Variants in CNTNAP2 observed in about 807,000 individuals in gnomAD.
CNTNAP2 encodes contactin associated protein 2.
CNTNAP2 carries 98 observed loss-of-function variants against 155.2 expected under a neutral mutation model. That is an observed-to-expected ratio of 0.63 (90% CI 0.54 to 0.75). The LOEUF (loss-of-function observed/expected upper bound fraction) is 0.75. CNTNAP2 is among the 30% of genes least tolerant of loss of function. CNTNAP2 has a pLI of 0.00. For missense variants in CNTNAP2, 1,727 were observed against 1,688.1 expected, an observed-to-expected ratio of 1.02 and a Z score of -0.40; for synonymous variants, 651 against 631.2, an observed-to-expected ratio of 1.03 and a Z score of -0.47.
At chr7:147,881,427 G>C (rs1286517987) in intron 13 of CNTNAP2, among the ~76,000 whole-genome samples, 1 of 152,166 alleles carries the variant, frequency 6.6e-6, no homozygotes, top group African/African-American at 2.4e-5. Flanking sequence ...ATGAATCCTA[G>C]TAGCTGCAGA....
chr7:146,357,748 A>G (rs1206372984), intron 1 of CNTNAP2, among the ~76,000 whole-genome samples: 2 of 152,212 alleles, frequency 1.3e-5, no homozygotes, highest in East Asian at 1.9e-4. Context: ...TCCAAACTTT[A>G]ATATAATTTT....
chr7:147,707,755 G>C (rs1796337550), intron 13 of CNTNAP2, among the ~76,000 whole-genome samples: 1 of 152,186 alleles, frequency 6.6e-6, no homozygotes, highest in Non-Finnish European at 1.5e-5. Flanking sequence ...GCTCTGAAGT[G>C]ATTTGCATTG....
At position 147,383,418 on chromosome 7, in the gene CNTNAP2, G is replaced by T. The variant is rs185615371; in HGVS notation, c.1499-12191G>T. 8.2e-3 allele frequency among the ~76,000 whole-genome samples: 1,247 copies of T among 152,198 alleles called. 8 individuals carry two copies. Among genetic ancestry groups the T allele is most frequent in the Non-Finnish European group, 0.014 (935 of 68,010 alleles). On this transcript the variant is annotated intron_variant, in intron 9 of 23. Coordinates refer to ENST00000361727, the MANE Select transcript of CNTNAP2 (RefSeq NM_014141.6). ...ATATGGATTGTTTTAGATAAGTAAG[G>T]TGGTGATTTTTAAGGTTTGTGAATT...
intron 11 of CNTNAP2, among the ~76,000 whole-genome samples, chr7:147,517,773 G>C (rs1465635050): frequency 6.6e-6 from 1 of 152,026 alleles, no homozygotes; most frequent in African/African-American, 2.4e-5. Flanking sequence ...CCTTAAAAGG[G>C]ACTTTTAAAA....
At chr7:147,831,194 GATTA>G (rs755094693) in intron 13 of CNTNAP2, among the ~76,000 whole-genome samples, 2 of 152,074 alleles carry the variant, frequency 1.3e-5, no homozygotes, top group Non-Finnish European at 2.9e-5. Flanking sequence ...AAATTATAGT[GATTA>G]ATTACATTAA....
intron 1 of CNTNAP2, among the ~76,000 whole-genome samples, chr7:146,533,261 G>A (rs1392224644): frequency 6.6e-6 from 1 of 152,028 alleles, no homozygotes; most frequent in Non-Finnish European, 1.5e-5. Flanking sequence ...GTCTATGCAA[G>A]TGGGAAATTT....
chr7:146,937,984 TTC>T (rs1796959282), intron 3 of CNTNAP2, among the ~76,000 whole-genome samples: 1 of 152,202 alleles, frequency 6.6e-6, no homozygotes, highest in African/African-American at 2.4e-5. Context: ...GACTGTATTT[TTC>T]TTTCAGGAAG....
At chr7:147,757,446 C>T (rs1301148112) in intron 13 of CNTNAP2, among the ~76,000 whole-genome samples, 1 of 152,050 alleles carries the variant, frequency 6.6e-6, no homozygotes, top group African/African-American at 2.4e-5. Context: ...CTCTGTAGCT[C>T]CTCCAAGTCA....
chr7:147,128,938 T>C (rs1801295503), intron 7 of CNTNAP2, 102 bp downstream of exon 7: 3 of 1,494,584 alleles, frequency 2.0e-6, no homozygotes, highest in Non-Finnish European at 2.8e-6. Flanking sequence ...TTTTTCATCA[T>C]ATTTGTGTTT....
intron 5 of CNTNAP2, among the ~76,000 whole-genome samples, chr7:147,117,188 G>GATT (rs1801008386): frequency 6.6e-6 from 1 of 152,084 alleles, no homozygotes; most frequent in Non-Finnish European, 1.5e-5. Flanking sequence ...AAATCCCAGG[G>GATT]TGGAGTTTGT....
chr7:147,348,084 T>G (rs1795907619), intron 9 of CNTNAP2, among the ~76,000 whole-genome samples: 1 of 152,020 alleles, frequency 6.6e-6, no homozygotes, highest in Non-Finnish European at 1.5e-5. Flanking sequence ...GAAGAAGACA[T>G]AGCGGAAATG....
At chr7:146,154,917 C>T (rs1161749914) in intron 1 of CNTNAP2, among the ~76,000 whole-genome samples, 2 of 152,140 alleles carry the variant, frequency 1.3e-5, no homozygotes, top group Admixed American at 6.5e-5. Flanking sequence ...GACAGTTACT[C>T]ACAAATCAAC....
intron 1 of CNTNAP2, among the ~76,000 whole-genome samples, chr7:146,701,595 T>A (rs1800879120): frequency 6.6e-6 from 1 of 152,186 alleles, no homozygotes; most frequent in African/African-American, 2.4e-5. Context: ...ATATCATCAA[T>A]AATTTCAATC....
At chr7:146,656,965 T>A (rs1252329316) in intron 1 of CNTNAP2, among the ~76,000 whole-genome samples, 1 of 152,204 alleles carries the variant, frequency 6.6e-6, no homozygotes, top group Non-Finnish European at 1.5e-5. Flanking sequence ...AATGCCTCTT[T>A]TTGTCCATAT....
At chr7:147,096,007 G>T (rs1186979825) in intron 4 of CNTNAP2, among the ~76,000 whole-genome samples, 2 of 152,060 alleles carry the variant, frequency 1.3e-5, no homozygotes, top group African/African-American at 4.8e-5. Flanking sequence ...ATTAACATTT[G>T]TTTTTTCTTA....
At chr7:146,884,071 C>T (rs553179935) in intron 3 of CNTNAP2, among the ~76,000 whole-genome samples, 22 of 152,048 alleles carry the variant, frequency 1.4e-4, no homozygotes, top group African/African-American at 2.7e-4. Flanking sequence ...TAACAAACTC[C>T]GTAATATAAT....
rs58030334 is a variant in CNTNAP2 at position 147,730,287 on chromosome 7, G to A, written c.2098+90981G>A. Among the ~76,000 whole-genome samples the A allele has an allele frequency of 7.2e-3, 1,094 of 152,096 alleles. 12 individuals carry two copies. Among genetic ancestry groups the A allele is most frequent in the African/African-American group, 0.022 (929 of 41,520 alleles). On this transcript the variant is annotated intron_variant, in intron 13 of 23. Transcript: ENST00000361727. Reference sequence around the variant, plus strand: ...ATTGGGTTTTGCTTTATTGAGCTTCGCAGATACTGCACTTTTCACAAATTG... The same window carrying A: ...ATTGGGTTTTGCTTTATTGAGCTTCACAGATACTGCACTTTTCACAAATTG...
intron 13 of CNTNAP2, among the ~76,000 whole-genome samples, chr7:147,700,664 G>A (rs1796223629): frequency 6.6e-6 from 1 of 152,152 alleles, no homozygotes; most frequent in African/African-American, 2.4e-5. Context: ...ACTTATTGGT[G>A]TTTTATGAGG....
chr7:147,434,074 G>A (rs1463315023), intron 10 of CNTNAP2, among the ~76,000 whole-genome samples: 1 of 152,144 alleles, frequency 6.6e-6, no homozygotes, highest in Non-Finnish European at 1.5e-5. Flanking sequence ...CTTACTGAAT[G>A]TCACAGAGCC....
Sources: gnomAD v4.1 joint callset for allele counts (sites outside exome capture counted in the v4.1 genomes callset) on GRCh38, gnomAD v4.1.1 for gene constraint, MANE v1.5 for transcripts, NCBI Gene and HGNC (gene_info 2026-07-23, HGNC 2026-07-21) for gene names.